RNF6: variants seen among roughly 807,000 people sequenced by gnomAD.
RNF6 encodes ring finger protein 6.
A neutral mutation model predicts 50.1 loss-of-function variants in RNF6; 21 were observed. That is an observed-to-expected ratio of 0.42 (90% CI 0.30 to 0.60). The LOEUF (loss-of-function observed/expected upper bound fraction) is 0.60. Among genes scored for constraint, RNF6 ranks in the 20% least tolerant of loss-of-function variants. The pLI is 0.20. For missense variants in RNF6, 698 were observed against 838.2 expected, an observed-to-expected ratio of 0.83 and a Z score of 2.07; for synonymous variants, 255 against 291.8, an observed-to-expected ratio of 0.87 and a Z score of 1.29.
chr13:26,159,060 A>G (rs1872078135), intron 5 of RNF6, among the ~76,000 whole-genome samples: 3 of 150,966 alleles, frequency 2.0e-5, no homozygotes, highest in African/African-American at 7.3e-5. Flanking sequence ...AAGTATAAAT[A>G]TACTACAATA....
In RNF6 at chr13:26,164,460, C is replaced by A. The variant is rs557607250; in HGVS notation, n.769-32009G>T. On this transcript the variant is annotated intron_variant and non_coding_transcript_variant, in intron 5 of 5. Transcript: ENST00000468480. The stretch of plus-strand genomic sequence containing the variant: ...GTGTCTCCATTGTCCCCTTTTTTAA[C>A]CCTAACCCCTGAGACTTTTTAATAT... Among the ~76,000 whole-genome samples, 6 of 152,150 alleles carry A rather than the reference C, an allele frequency of 3.9e-5. No individual in the cohort carries two copies. In the South Asian group the frequency reaches 1.2e-3, roughly 32 times the overall value.
At chr13:26,132,284 T>C in exon 6 of RNF6, 1 of 335,492 alleles carries the variant, frequency 3.0e-6, no homozygotes, top group Non-Finnish European at 5.9e-6. Context: ...CTATGTTCCA[T>C]AAAAGAAAAA....
chr13:26,135,815 T>C (rs1407826125), intron 5 of RNF6, among the ~76,000 whole-genome samples: 1 of 152,136 alleles, frequency 6.6e-6, no homozygotes, highest in Non-Finnish European at 1.5e-5. Context: ...CTTATAGTGA[T>C]GAGTGAGTTT....
At chr13:26,189,162 C>CTA (rs1252142550) in intron 5 of RNF6, among the ~76,000 whole-genome samples, 2 of 152,042 alleles carry the variant, frequency 1.3e-5, no homozygotes, top group Non-Finnish European at 2.9e-5. Context: ...AACTATGTCT[C>CTA]TACTAAAATA....
At chr13:26,173,120 G>A (rs1269220155) in intron 5 of RNF6, among the ~76,000 whole-genome samples, 8 of 152,212 alleles carry the variant, frequency 5.3e-5, no homozygotes, top group African/African-American at 9.6e-5. Flanking sequence ...GTAGAAACCG[G>A]CAGAGTACAC....
At chr13:26,132,572 A>T in intron 5 of RNF6, 1 of 319,930 alleles carries the variant, frequency 3.1e-6, no homozygotes, top group East Asian at 8.2e-5. Flanking sequence ...TATTGCACTC[A>T]CTAGATAATA....
At chr13:26,153,416 G>A (rs1871739164) in intron 5 of RNF6, among the ~76,000 whole-genome samples, 2 of 152,046 alleles carry the variant, frequency 1.3e-5, no homozygotes, top group African/African-American at 4.8e-5. Context: ...GTTTCACCAT[G>A]TTGGCTAGGC....
intron 5 of RNF6, among the ~76,000 whole-genome samples, chr13:26,144,244 AATGGGCAACAATAAGGGTGGC>A (rs1174908289): frequency 1.3e-5 from 2 of 152,122 alleles, no homozygotes; most frequent in African/African-American, 4.8e-5. Context: ...TTATGGGCTC[AATGGGCAACAATAAGGGTGGC>A]TGGGAAAAAA....
At chr13:26,205,885 G>A (rs985809046) in intron 5 of RNF6, among the ~76,000 whole-genome samples, 10 of 152,132 alleles carry the variant, frequency 6.6e-5, no homozygotes, top group African/African-American at 1.9e-4. Flanking sequence ...GGTGGCACAT[G>A]CCTGTAATCC....
intron 5 of RNF6, among the ~76,000 whole-genome samples, chr13:26,167,791 A>G (rs558791463): frequency 2.0e-5 from 3 of 152,362 alleles, no homozygotes; most frequent in African/African-American, 7.2e-5. Flanking sequence ...AAGACATGGA[A>G]TCAACCTAAA....
chr13:26,181,781 G>T (rs115246310), intron 5 of RNF6, among the ~76,000 whole-genome samples: 2,334 of 152,264 alleles, frequency 0.015, 48 homozygotes, highest in African/African-American at 0.053. Flanking sequence ...GCTCCAGTGG[G>T]ATGCTACAGG....
At chr13:26,201,618 A>G (rs1868901304) in intron 5 of RNF6, among the ~76,000 whole-genome samples, 1 of 152,192 alleles carries the variant, frequency 6.6e-6, no homozygotes, top group Non-Finnish European at 1.5e-5. Context: ...ACATTAGGAC[A>G]CTATCTAGAG....
chr13:26,205,510 G>A (rs1869072046), intron 5 of RNF6, among the ~76,000 whole-genome samples: 1 of 152,134 alleles, frequency 6.6e-6, no homozygotes, highest in Non-Finnish European at 1.5e-5. Flanking sequence ...AGGTGGGTGT[G>A]GTAATTGTTC....
chr13:26,183,991 AATATATATATAT>A (rs1243482593), intron 5 of RNF6, among the ~76,000 whole-genome samples: 3 of 61,502 alleles, frequency 4.9e-5, no homozygotes, highest in Middle Eastern at 9.6e-3. Flanking sequence ...AGATAAATAA[AATATATATATAT>A]ATATATATAT....
chr13:26,184,018 ATTTTTT>A (rs1169961717), intron 5 of RNF6, among the ~76,000 whole-genome samples: 430 of 33,690 alleles, frequency 0.013, 1 homozygote, highest in African/African-American at 0.025. Flanking sequence ...ATATATATAT[ATTTTTT>A]TTTTTTTTTT....
At chr13:26,211,846 T>A (rs1271861975), downstream of RNF6, among the ~76,000 whole-genome samples, 1 of 152,194 alleles carries the variant, frequency 6.6e-6, no homozygotes, top group Non-Finnish European at 1.5e-5. Context: ...GTGAGATGTA[T>A]GAATTAAGCT....
chr13:26,206,208 C>T (rs1869101857), intron 5 of RNF6, among the ~76,000 whole-genome samples: 1 of 151,984 alleles, frequency 6.6e-6, no homozygotes, highest in Non-Finnish European at 1.5e-5. Context: ...CCCCACTGCC[C>T]CCCGTCCCTG....
At chr13:26,178,569 C>T (rs148267536) in intron 5 of RNF6, among the ~76,000 whole-genome samples, 2 of 142,212 alleles carry the variant, frequency 1.4e-5, no homozygotes, top group African/African-American at 5.2e-5. Context: ...TCCCCCTTGG[C>T]GGACCAGGTG....
chr13:26,220,949 G>C (rs769216662), intron 2 of RNF6, among the ~76,000 whole-genome samples: 2 of 152,102 alleles, frequency 1.3e-5, no homozygotes, highest in Non-Finnish European at 2.9e-5. Flanking sequence ...ACAAATTCAA[G>C]GATTTTTTTC....
Sources: allele counts gnomAD v4.1 joint callset (sites outside exome capture counted in the v4.1 genomes callset), GRCh38; gene constraint gnomAD v4.1.1; transcripts MANE v1.5; gene names NCBI Gene and HGNC (gene_info 2026-07-23, HGNC 2026-07-21).